The following TMTC1 variants were observed in gnomAD, a reference collection of about 807,000 sequenced individuals.
TMTC1 encodes the protein transmembrane O-mannosyltransferase targeting cadherins 1, also known as protein O-mannosyl-transferase TMTC1.
Under a neutral mutation model 104.8 loss-of-function variants are expected in TMTC1, and 73 were observed. The ratio of observed to expected loss-of-function variants is 0.70; its 90% CI spans 0.58 to 0.85. The LOEUF is 0.85. Ranked by LOEUF, TMTC1 falls within the 40% of genes least tolerant of loss-of-function variation. The pLI, the probability that TMTC1 is intolerant of heterozygous loss-of-function variation, is 0.00. For missense variants in TMTC1, 1,035 were observed against 1,096.1 expected (o/e 0.94, Z 0.79); for synonymous variants, 434 against 428.7 (o/e 1.01, Z -0.15).
In TMTC1 at chr12:29,560,602, A is replaced by G. The variant is rs562576385; in HGVS notation, c.1533-3602T>C. 2.0e-4 allele frequency among the ~76,000 whole-genome samples: 30 copies of G among 152,262 alleles called. 1 individual carries two copies. In the South Asian group the frequency reaches 5.8e-3, roughly 29 times the overall value. ...GGCGAAACCCTGTCTCTACAAAAAA[A>G]TAAAAATAAAGATTAAAAAAAATAA... On this transcript the variant is annotated intron_variant, in intron 9 of 17. Transcript: ENST00000539277.
chr12:29,595,996 ATTG>A (rs936798194), intron 7 of TMTC1, among the ~76,000 whole-genome samples: 3 of 151,528 alleles, frequency 2.0e-5, no homozygotes, highest in Non-Finnish European at 2.9e-5. Context: ...TTTCTGTTTT[ATTG>A]TTGTTGTTGT....
At chr12:29,510,606 T>C (rs1213940727) in intron 17 of TMTC1, among the ~76,000 whole-genome samples, 2 of 152,134 alleles carry the variant, frequency 1.3e-5, no homozygotes, top group South Asian at 2.1e-4. Flanking sequence ...ATTATCCCAT[T>C]AACCCCTCCC....
intron 5 of TMTC1, among the ~76,000 whole-genome samples, chr12:29,728,567 C>A (rs1156629947): frequency 6.6e-6 from 1 of 152,120 alleles, no homozygotes; most frequent in Non-Finnish European, 1.5e-5. Context: ...AACCTAAGTC[C>A]TCTATCCCTC....
At chr12:29,557,034 C>G (rs1945264361) in intron 9 of TMTC1, 34 bp from the exon 10 acceptor site, 1 of 1,607,490 alleles carries the variant, frequency 6.2e-7, no homozygotes, top group Non-Finnish European at 8.5e-7. Flanking sequence ...TGTGATGGTT[C>G]AAAAACTTCT....
chr12:29,616,312 T>A (rs942093751), intron 6 of TMTC1, among the ~76,000 whole-genome samples: 1 of 152,162 alleles, frequency 6.6e-6, no homozygotes, highest in African/African-American at 2.4e-5. Context: ...TCCCCAAAAA[T>A]CAACGCGCTC....
Position 29,626,525 on chromosome 12 carries a change from A to G in TMTC1, c.1128+6622T>C, listed in dbSNP as rs140493808. Among the ~76,000 whole-genome samples, 17 of 152,348 alleles carry G rather than the reference A, an allele frequency of 1.1e-4. No individual in the cohort carries two copies. The East Asian group carries it at 2.9e-3, about 26-fold the overall frequency. On this transcript the variant is annotated intron_variant, in intron 6 of 17. Coordinates refer to ENST00000539277, the MANE Select transcript of TMTC1 (RefSeq NM_001193451.2). The stretch of plus-strand genomic sequence containing the variant: ...AGATGTATCAGATGGTTACTTTAAA[A>G]TAAGGTGTTTAGGGAGAAAGAATAC...
chr12:29,520,919 A>G (rs1420654327), intron 11 of TMTC1, 199 bp from the exon 12 acceptor site: 14 of 533,670 alleles, frequency 2.6e-5, no homozygotes, highest in Middle Eastern at 5.0e-4. Flanking sequence ...CCCAAAATTC[A>G]TATCTGTATT....
At chr12:29,664,569 C>T (rs1246024847) in intron 5 of TMTC1, among the ~76,000 whole-genome samples, 2 of 152,190 alleles carry the variant, frequency 1.3e-5, no homozygotes, top group Admixed American at 1.3e-4. Flanking sequence ...AATAACAATA[C>T]TATTAACAGC....
intron 1 of TMTC1, among the ~76,000 whole-genome samples, chr12:29,777,402 C>G (rs1209011878): frequency 6.6e-6 from 1 of 152,040 alleles, no homozygotes; most frequent in Non-Finnish European, 1.5e-5. Context: ...CCTCCTTACC[C>G]CTCTCTTTAA....
intron 10 of TMTC1, among the ~76,000 whole-genome samples, chr12:29,540,479 G>A (rs575261830): frequency 6.6e-6 from 1 of 152,238 alleles, no homozygotes; most frequent in African/African-American, 2.4e-5. Flanking sequence ...CTCTAATTTA[G>A]AACTTCAAAT....
intron 5 of TMTC1, 143 bp from the exon 6 acceptor site, chr12:29,633,479 A>G: frequency 1.4e-6 from 1 of 698,198 alleles, no homozygotes; most frequent in Non-Finnish European, 2.3e-6. Flanking sequence ...ATGGAAAGCC[A>G]TTCACTCATT....
At position 29,556,910 on chromosome 12, in the gene TMTC1, G is replaced by C. The variant is rs1376420801; in HGVS notation, c.1623C>G (p.Leu541=). The C allele has an allele frequency of 1.2e-6, 2 of 1,614,064 alleles. No homozygotes were observed. Among genetic ancestry groups the C allele is most frequent in the Non-Finnish European group, 8.5e-7 (1 of 1,179,954 alleles). The change falls in exon 10 of 18, where the codon CTC becomes CTG. Residue 541 remains leucine, a synonymous_variant. Transcript: ENST00000539277. ...CCCGGTTATGCTGTGGATGGAGCTGGAGAGCCCTCTGATAGTACATCTTTG... is the reference window on the plus strand; with the variant it reads ...CCCGGTTATGCTGTGGATGGAGCTGCAGAGCCCTCTGATAGTACATCTTTG... ...AEAKMYYQRA[L]QLHPQHNRAL...
chr12:29,666,455 G>C (rs185372525), intron 5 of TMTC1, among the ~76,000 whole-genome samples: 1 of 151,532 alleles, frequency 6.6e-6, no homozygotes, highest in Non-Finnish European at 1.5e-5. Flanking sequence ...GGATGGTCTC[G>C]ATCTCCTGAC....
intron 9 of TMTC1, among the ~76,000 whole-genome samples, chr12:29,567,702 T>A (rs2136288613): frequency 6.6e-6 from 1 of 152,292 alleles, no homozygotes; most frequent in South Asian, 2.1e-4. Context: ...GAGAGAGTTA[T>A]CTTAAATGTT....
intron 8 of TMTC1, among the ~76,000 whole-genome samples, chr12:29,574,049 A>G (rs1312581833): frequency 1.3e-5 from 2 of 151,938 alleles, no homozygotes; most frequent in East Asian, 1.9e-4. Context: ...AGAGAAAGAT[A>G]ATAGTCAGAA....
chr12:29,712,440 A>C (rs1224003113), intron 5 of TMTC1, among the ~76,000 whole-genome samples: 2 of 152,240 alleles, frequency 1.3e-5, no homozygotes, highest in Non-Finnish European at 2.9e-5. Flanking sequence ...TACTGAGAAA[A>C]GAATTTGTAA....
intron 7 of TMTC1, among the ~76,000 whole-genome samples, chr12:29,595,709 C>A (rs564916087): frequency 5.9e-5 from 9 of 152,344 alleles, no homozygotes; most frequent in African/African-American, 2.2e-4. Flanking sequence ...AAGTTAAAAT[C>A]TTTCTAATCT....
chr12:29,707,677 C>T (rs1565783863), intron 5 of TMTC1, among the ~76,000 whole-genome samples: 1 of 152,144 alleles, frequency 6.6e-6, no homozygotes, highest in Non-Finnish European at 1.5e-5. Context: ...CACATGTGGC[C>T]ATCGTCCTTT....
intron 8 of TMTC1, among the ~76,000 whole-genome samples, chr12:29,572,884 A>G (rs138941427): frequency 2.0e-3 from 308 of 152,384 alleles, no homozygotes; most frequent in African/African-American, 7.0e-3. Flanking sequence ...AGGAAAAAAA[A>G]GATTTAATGG....
Sources: allele counts gnomAD v4.1 joint callset (sites outside exome capture counted in the v4.1 genomes callset), GRCh38; gene constraint gnomAD v4.1.1; transcripts MANE v1.5; gene names NCBI Gene and HGNC (gene_info 2026-07-23, HGNC 2026-07-21).